ZNF680: variants seen among roughly 807,000 people sequenced by gnomAD.
The protein encoded by ZNF680 is hypothetical protein FLJ90430.
Under a neutral mutation model 12.1 loss-of-function variants are expected in ZNF680, and 6 were observed. That is an observed-to-expected ratio of 0.49 (90% CI 0.27 to 0.98). The LOEUF is 0.98. ZNF680 is among the 50% of genes least tolerant of loss of function. ZNF680 has a pLI of 0.12. For missense variants in ZNF680, 561 were observed against 616.3 expected (o/e 0.91, Z 0.95); for synonymous variants, 170 against 199.3 (o/e 0.85, Z 1.24).
chr7:64,540,454 G>C (rs144034596), intron 3 of ZNF680, among the ~76,000 whole-genome samples: 1 of 151,776 alleles, frequency 6.6e-6, no homozygotes, highest in African/African-American at 2.4e-5. Flanking sequence ...ACAGGCACCC[G>C]CTACCACACC....
At chr7:64,512,657 C>A in the ZNF680 span, among the ~76,000 whole-genome samples, 1 of 151,966 alleles carries the variant, frequency 6.6e-6, no homozygotes, top group Non-Finnish European at 1.5e-5. Context: ...TATTCCTAGC[C>A]CTGTAAATAA....
rs759543464 is a variant in ZNF680 at position 64,544,338 on chromosome 7, ATCACTT to A, written c.119_124del (p.Lys40_Val41del). 2 of 1,604,732 alleles carry A rather than the reference ATCACTT, an allele frequency of 1.2e-6. No homozygotes were observed. Among genetic ancestry groups the A allele is most frequent in the African/African-American group, 2.7e-5 (2 of 74,692 alleles). On this transcript the variant is annotated inframe_deletion, in exon 2 of 4. Transcript: ENST00000309683. ...GACCAGGTTTCTGTAGTTCTCAAACATCACTTTCCTATATAAATTCCGTTGTGCAGT... is the reference window on the plus strand; with the variant it reads ...GACCAGGTTTCTGTAGTTCTCAAACATCCTATATAAATTCCGTTGTGCAGT...
intron 3 of ZNF680, among the ~76,000 whole-genome samples, chr7:64,532,807 A>ATT (rs1253701486): frequency 1.3e-5 from 2 of 152,230 alleles, no homozygotes. Flanking sequence ...CCAACAACAT[A>ATT]TCAAAAAGAT....
intron 3 of ZNF680, among the ~76,000 whole-genome samples, chr7:64,528,072 T>TGCCG (rs1791965674): frequency 6.6e-6 from 1 of 152,128 alleles, no homozygotes. Flanking sequence ...TGGGAGAAGA[T>TGCCG]GCCGACCTTA....
chr7:64,562,997 A>G lies in ZNF680; in HGVS notation c.-43T>C. 1 of 1,610,664 alleles carries G rather than the reference A, an allele frequency of 6.2e-7. No homozygotes were observed. The highest frequency in any genetic ancestry group is 1.1e-5 in the South Asian group (1 of 91,038). On this transcript the variant is annotated 5_prime_UTR_variant, in exon 1 of 4. Transcript: ENST00000309683. ...CAATACCTGCAGATAACGGAGTCAC[A>G]GAGGCTGGGCCTCTAGGAGCAGAAT... is the stretch of plus-strand genomic sequence containing the variant.
chr7:64,542,852 C>T (rs59015730), intron 3 of ZNF680, among the ~76,000 whole-genome samples: 30,187 of 151,962 alleles, frequency 0.2, 3,388 homozygotes, highest in South Asian at 0.28. Context: ...GAACCTGCCA[C>T]CATGCCAGGC....
At chr7:64,508,339 G>A in the ZNF680 span, among the ~76,000 whole-genome samples, 1 of 151,638 alleles carries the variant, frequency 6.6e-6, no homozygotes, top group African/African-American at 2.4e-5. Context: ...TTATATTTAT[G>A]CTGTATGTGA....
intron 3 of ZNF680, among the ~76,000 whole-genome samples, chr7:64,531,281 C>G (rs1785861638): frequency 6.6e-6 from 1 of 152,066 alleles, no homozygotes; most frequent in African/African-American, 2.4e-5. Context: ...ATCAAACACT[C>G]TCTCAGACTA....
In ZNF680 at chr7:64,522,137, C is replaced by G. The variant is rs753917157; in HGVS notation, c.617G>C (p.Arg206Thr). 6 of 1,612,038 alleles carry G rather than the reference C, an allele frequency of 3.7e-6. No individual in the cohort carries two copies. The highest frequency in any genetic ancestry group is 2.2e-5 in the East Asian group (1 of 44,804). Reference sequence around the variant, plus strand: ...TTCCTCACATTTGTAAGAATTCTCTCTAGTGTGAATTCTTATATGTTGTGT... The same window carrying G: ...TTCCTCACATTTGTAAGAATTCTCTGTAGTGTGAATTCTTATATGTTGTGT... ...HLTQHIRIHT[R>T]ENSYKCEECG... The change falls in exon 4 of 4, where the codon AGA (arginine) becomes ACA (threonine). Residue 206 changes from arginine (R) to threonine (T), a missense_variant. Coordinates refer to ENST00000309683, the MANE Select transcript of ZNF680 (RefSeq NM_178558.5).
chr7:64,543,580 G>A (rs1786620048), intron 3 of ZNF680, 127 bp downstream of exon 3: 1 of 749,704 alleles, frequency 1.3e-6, no homozygotes, highest in Middle Eastern at 2.5e-4. Context: ...AAAAGAAACT[G>A]AGCTTCCCAA....
chr7:64,523,738 C>G (rs1013497783), intron 3 of ZNF680, among the ~76,000 whole-genome samples: 1 of 151,718 alleles, frequency 6.6e-6, no homozygotes, highest in Non-Finnish European at 1.5e-5. Flanking sequence ...ATGGTGAAAC[C>G]CTGTCTCTAC....
chr7:64,525,818 CTA>C (rs1791809274), intron 3 of ZNF680: 1 of 983,850 alleles, frequency 1.0e-6, no homozygotes, highest in Non-Finnish European at 1.2e-6. Context: ...AGGAGAATTT[CTA>C]TGACTTCTCA....
chr7:64,533,383 G>C (rs1317252420), intron 3 of ZNF680, among the ~76,000 whole-genome samples: 1 of 152,110 alleles, frequency 6.6e-6, no homozygotes, highest in South Asian at 2.1e-4. Context: ...TGACCTAGTG[G>C]AGAATCAAAT....
intron 1 of ZNF680, among the ~76,000 whole-genome samples, chr7:64,550,697 G>C (rs1787029146): frequency 6.6e-6 from 1 of 152,128 alleles, no homozygotes; most frequent in South Asian, 2.1e-4. Context: ...GTGAAATTTG[G>C]TCTAACCTCT....
Position 64,522,110 on chromosome 7 carries a change from C to T in ZNF680, c.644G>A (p.Cys215Tyr), listed in dbSNP as rs1181804530. 2 of 1,611,060 alleles carry T rather than the reference C, an allele frequency of 1.2e-6. No individual in the cohort carries two copies. Among genetic ancestry groups the T allele is most frequent in the Admixed American group, 1.7e-5 (1 of 59,712 alleles). ...TRENSYKCEE[C>Y]GKVLNWFSEL... ...TGAGAACCAGTTAAGAACTTTGCCACATTCCTCACATTTGTAAGAATTCTC... is the reference window on the plus strand; with the variant it reads ...TGAGAACCAGTTAAGAACTTTGCCATATTCCTCACATTTGTAAGAATTCTC... The change falls in exon 4 of 4, where the codon TGT (cysteine) becomes TAT (tyrosine). Residue 215 changes from cysteine to tyrosine, a missense_variant. Coordinates refer to ENST00000309683, the MANE Select transcript of ZNF680 (RefSeq NM_178558.5).
chr7:64,541,828 G>T (rs535958083), intron 3 of ZNF680, among the ~76,000 whole-genome samples: 1 of 151,404 alleles, frequency 6.6e-6, no homozygotes, highest in East Asian at 1.9e-4. Flanking sequence ...ACGCAGGCAG[G>T]CCTGCAGACC....
chr7:64,529,691 A>G (rs919254434), intron 3 of ZNF680, among the ~76,000 whole-genome samples: 1 of 152,190 alleles, frequency 6.6e-6, no homozygotes, highest in Admixed American at 6.5e-5. Context: ...TTTGTGAGAA[A>G]GAAGAGAAAT....
the ZNF680 span, among the ~76,000 whole-genome samples, chr7:64,510,178 A>G: frequency 1.3e-5 from 2 of 151,842 alleles, no homozygotes; most frequent in African/African-American, 4.8e-5. Flanking sequence ...AAATAAAACA[A>G]TGCCCCTTAA....
chr7:64,555,733 A>AAT (rs1203134193), intron 1 of ZNF680, among the ~76,000 whole-genome samples: 46 of 87,518 alleles, frequency 5.3e-4, no homozygotes, highest in South Asian at 1.7e-3. Context: ...TGTAAAAAAA[A>AAT]ATATATATAT....
Sources: gnomAD v4.1 joint callset for allele counts (sites outside exome capture counted in the v4.1 genomes callset) on GRCh38, gnomAD v4.1.1 for gene constraint, MANE v1.5 for transcripts, NCBI Gene and HGNC (gene_info 2026-07-23, HGNC 2026-07-21) for gene names.